RALA: variants seen among roughly 807,000 people sequenced by gnomAD.
The protein encoded by RALA is RAS like proto-oncogene A.
In RALA, 5 loss-of-function variants were observed where a neutral mutation model predicts 24.0. The ratio of observed to expected loss-of-function variants is 0.21; its 90% CI spans 0.11 to 0.44. RALA has a LOEUF of 0.44. RALA is among the 20% of genes least tolerant of loss of function. The pLI is 0.99. For synonymous variants in RALA, 77 were observed against 83.8 expected, an observed-to-expected ratio of 0.92 and a Z score of 0.44; for missense variants, 95 against 241.2, an observed-to-expected ratio of 0.39 and a Z score of 4.01.
chr7:39,626,526 G>A (rs1292883619), intron 1 of RALA, among the ~76,000 whole-genome samples: 2 of 152,192 alleles, frequency 1.3e-5, no homozygotes, highest in African/African-American at 4.8e-5. Flanking sequence ...TGTGGCCTGG[G>A]GTTGCCAGCA....
chr7:39,683,061 G>A (rs1353394986), intron 1 of RALA, among the ~76,000 whole-genome samples: 1 of 152,196 alleles, frequency 6.6e-6, no homozygotes, highest in Non-Finnish European at 1.5e-5. Context: ...GGCTTTGTAA[G>A]AGGCAGCAAA....
chr7:39,700,123 A>C (rs1395399781), intron 4 of RALA, among the ~76,000 whole-genome samples: 1 of 152,182 alleles, frequency 6.6e-6, no homozygotes, highest in East Asian at 1.9e-4. Flanking sequence ...TACTTTTTCA[A>C]AAAATAAAAA....
chr7:39,646,463 A>T (rs934177124), intron 1 of RALA, among the ~76,000 whole-genome samples: 34 of 151,902 alleles, frequency 2.2e-4, no homozygotes, highest in African/African-American at 1.7e-4. Flanking sequence ...TTATACAAAA[A>T]ATTTTTTTAA....
chr7:39,623,795 C>T lies in RALA; in HGVS notation c.-68C>T, dbSNP rs929902391. 1.3e-5 allele frequency: 2 copies of T among 152,180 alleles called. No homozygotes were observed. The highest frequency in any genetic ancestry group is 6.5e-5 in the Admixed American group (1 of 15,274). The allele number at this position is 152,180 out of a possible 1,614,324, so 9.4% of individuals were successfully genotyped here. ...GCCACGCAGCCGCGGCTTCCGGAGC[C>T]CTCGGGGCGGCGGACTGGCTCGCGG... On this transcript the variant is annotated 5_prime_UTR_variant, in exon 1 of 5. Coordinates refer to ENST00000005257, the MANE Select transcript of RALA (RefSeq NM_005402.4). This position sits in a 1 kb window ranked among gnomAD's most constrained non-coding sequence, Gnocchi z 4.9.
intron 1 of RALA, among the ~76,000 whole-genome samples, chr7:39,638,532 T>A (rs1430175264): frequency 1.3e-5 from 2 of 152,196 alleles, no homozygotes; most frequent in East Asian, 1.9e-4. Context: ...AGTCTTGACC[T>A]CCTGGGCTCA....
In RALA at chr7:39,667,836, G is replaced by A. The variant is rs372831576; in HGVS notation, c.-37-18795G>A. Among the ~76,000 whole-genome samples, 17 of 152,204 alleles carry A rather than the reference G, an allele frequency of 1.1e-4. 2 individuals are homozygous for A. The highest frequency in any genetic ancestry group is 1.1e-3 in the Admixed American group (17 of 15,286). ...AAACTCTATTCTTTTGATATTTGGA[G>A]AAGGAGCCAATCTGTCAACCTGTTT... On this transcript the variant is annotated intron_variant, in intron 1 of 4. Transcript: ENST00000005257.
intron 2 of RALA, among the ~76,000 whole-genome samples, 200 bp from the exon 3 acceptor site, chr7:39,690,182 C>A (rs536704284): frequency 6.6e-6 from 1 of 151,884 alleles, no homozygotes; most frequent in Non-Finnish European, 1.5e-5. Flanking sequence ...TAACTCAGCC[C>A]TCTCTGTTTG....
At chr7:39,652,958 G>T (rs564960823) in intron 1 of RALA, among the ~76,000 whole-genome samples, 5 of 151,882 alleles carry the variant, frequency 3.3e-5, no homozygotes, top group African/African-American at 7.2e-5. Flanking sequence ...TAGAGATGTG[G>T]TTTTGCCATG....
intron 4 of RALA, among the ~76,000 whole-genome samples, chr7:39,703,741 T>A (rs539824733): frequency 2.0e-5 from 3 of 152,344 alleles, no homozygotes; most frequent in South Asian, 4.1e-4. Context: ...AATGTTTACA[T>A]CTTTGATTTT....
At chr7:39,629,449 C>G (rs1047940263) in intron 1 of RALA, among the ~76,000 whole-genome samples, 3 of 152,154 alleles carry the variant, frequency 2.0e-5, no homozygotes, top group Admixed American at 2.0e-4. Flanking sequence ...GAGTTTCGCT[C>G]TGTCGCCCAG....
intron 4 of RALA, among the ~76,000 whole-genome samples, chr7:39,698,531 A>AT (rs1185102580): frequency 6.6e-6 from 1 of 152,230 alleles, no homozygotes; most frequent in East Asian, 1.9e-4. Context: ...TATGGCAAAT[A>AT]TTTTTAAAAT....
At chr7:39,640,185 A>G (rs941693192) in intron 1 of RALA, among the ~76,000 whole-genome samples, 5 of 152,254 alleles carry the variant, frequency 3.3e-5, no homozygotes, top group Admixed American at 6.5e-5. Flanking sequence ...AGCTGGGACT[A>G]TAGGTGCATG....
chr7:39,637,837 T>C (rs1583707146), intron 1 of RALA, among the ~76,000 whole-genome samples: 1 of 152,222 alleles, frequency 6.6e-6, no homozygotes, highest in Non-Finnish European at 1.5e-5. Flanking sequence ...CCACATTTGC[T>C]TTTTCTGAGT....
chr7:39,633,433 G>A (rs539325532), intron 1 of RALA, among the ~76,000 whole-genome samples: 1 of 152,308 alleles, frequency 6.6e-6, no homozygotes, highest in South Asian at 2.1e-4. Flanking sequence ...GTGAGCAGGA[G>A]CGAGCATGTG....
intron 1 of RALA, among the ~76,000 whole-genome samples, chr7:39,659,359 A>G (rs549759155): frequency 1.3e-5 from 2 of 152,226 alleles, no homozygotes; most frequent in South Asian, 2.1e-4. Flanking sequence ...TATAAGTGCT[A>G]CAAGATGTTT....
At chr7:39,630,603 A>G (rs1229453899) in intron 1 of RALA, among the ~76,000 whole-genome samples, 1 of 152,216 alleles carries the variant, frequency 6.6e-6, no homozygotes, top group Non-Finnish European at 1.5e-5. Context: ...TTCAGGTTAT[A>G]GAGAAATTCA....
chr7:39,648,107 A>C (rs1038557716), intron 1 of RALA, among the ~76,000 whole-genome samples: 1 of 152,184 alleles, frequency 6.6e-6, no homozygotes, highest in Admixed American at 6.5e-5. Context: ...GGCTGTCATC[A>C]TGTAAGCTTC....
chr7:39,647,062 G>A (rs922973017), intron 1 of RALA, among the ~76,000 whole-genome samples: 11 of 151,960 alleles, frequency 7.2e-5, no homozygotes, highest in African/African-American at 2.7e-4. Context: ...TTTATTTTGG[G>A]GACAGGGTCT....
chr7:39,671,905 C>T (rs778043949), intron 1 of RALA, among the ~76,000 whole-genome samples: 4 of 152,048 alleles, frequency 2.6e-5, no homozygotes, highest in Non-Finnish European at 4.4e-5. Context: ...AGCTTGATGG[C>T]GTATTTAAAA....
Sources: gnomAD v4.1 joint callset for allele counts (sites outside exome capture counted in the v4.1 genomes callset) on GRCh38, gnomAD v4.1.1 for gene constraint, Gnocchi (gnomAD v3.1) non-coding constraint, MANE v1.5 for transcripts, NCBI Gene and HGNC (gene_info 2026-07-23, HGNC 2026-07-21) for gene names.